Variants in SGCZ observed in about 807,000 individuals in gnomAD.
The protein encoded by SGCZ is sarcoglycan zeta.
SGCZ carries 40 observed loss-of-function variants against 41.3 expected under a neutral mutation model. The ratio of observed to expected loss-of-function variants is 0.97; its 90% CI spans 0.75 to 1.26. The LOEUF (loss-of-function observed/expected upper bound fraction) is 1.26, where lower values mean the gene tolerates loss of function less well. Ranked by LOEUF, SGCZ falls within the 50% of genes most tolerant of loss-of-function variation. The pLI is 0.00. For synonymous variants in SGCZ, 206 were observed against 137.5 expected, an observed-to-expected ratio of 1.50 and a Z score of -3.49; for missense variants, 552 against 369.8, an observed-to-expected ratio of 1.49 and a Z score of -4.04.
chr8:14,676,631 A>T (rs372256308), intron 1 of SGCZ, among the ~76,000 whole-genome samples: 44 of 152,272 alleles, frequency 2.9e-4, no homozygotes, highest in African/African-American at 1.0e-3. Flanking sequence ...ATAAACCACG[A>T]TGTGTGGCAT....
intron 2 of SGCZ, among the ~76,000 whole-genome samples, chr8:14,401,706 G>T (rs1255387498): frequency 1.3e-5 from 2 of 151,630 alleles, no homozygotes; most frequent in Non-Finnish European, 2.9e-5. Flanking sequence ...ATTTGGGTTG[G>T]TTCCAAGTCT....
chr8:15,016,368 C>T (rs1239346138), intron 1 of SGCZ, among the ~76,000 whole-genome samples: 3 of 152,180 alleles, frequency 2.0e-5, no homozygotes, highest in Non-Finnish European at 4.4e-5. Context: ...GCCATCTGAT[C>T]CACCAGGGGA....
chr8:14,468,189 T>G (rs1002428491), intron 2 of SGCZ, among the ~76,000 whole-genome samples: 2 of 152,050 alleles, frequency 1.3e-5, no homozygotes, highest in Admixed American at 6.6e-5. Context: ...TGTAATGTGA[T>G]TTTGATTGAG....
chr8:14,338,187 G>A (rs1802566068), intron 2 of SGCZ, among the ~76,000 whole-genome samples: 1 of 152,146 alleles, frequency 6.6e-6, no homozygotes, highest in Admixed American at 6.6e-5. Flanking sequence ...AAATGGAAAA[G>A]TGCAGTCGTC....
chr8:14,645,089 C>T (rs1329783421), intron 1 of SGCZ, among the ~76,000 whole-genome samples: 6 of 151,398 alleles, frequency 4.0e-5, no homozygotes, highest in African/African-American at 1.2e-4. Flanking sequence ...GGCAAGCATC[C>T]CAGGGCATAA....
In SGCZ at chr8:14,439,238, T is replaced by C. The variant is rs551518678; in HGVS notation, c.235-115034A>G. ...GTAAGATCATTAGGACTTTTTATTA[T>C]ATTTTTAGGAGTTTTTGGCTTGGTA... On this transcript the variant is annotated intron_variant, in intron 2 of 7. Coordinates refer to ENST00000382080, the MANE Select transcript of SGCZ (RefSeq NM_139167.4). Among the ~76,000 whole-genome samples, 9 of 151,490 alleles carry C rather than the reference T, an allele frequency of 5.9e-5. No homozygotes were observed. The South Asian group carries it at 1.9e-3, about 31-fold the overall frequency.
intron 1 of SGCZ, among the ~76,000 whole-genome samples, chr8:14,696,278 C>T (rs1808959493): frequency 6.6e-6 from 1 of 152,008 alleles, no homozygotes. Flanking sequence ...AATATGAGAA[C>T]TTTAGGGACT....
At position 14,461,103 on chromosome 8, in the gene SGCZ, G is replaced by A. The variant is rs549650189; in HGVS notation, c.234+93629C>T. 6.6e-5 allele frequency among the ~76,000 whole-genome samples: 10 copies of A among 152,206 alleles called. No homozygotes were observed. The South Asian group carries it at 1.9e-3, about 28-fold the overall frequency. ...TCAGGGTGCCTTGGTGATTCAGAAT[G>A]CTATCCTCATCCAATCAGGTTCCTT... On this transcript the variant is annotated intron_variant, in intron 2 of 7. Transcript: ENST00000382080.
At chr8:14,696,046 G>A (rs1007192245) in intron 1 of SGCZ, among the ~76,000 whole-genome samples, 6 of 151,970 alleles carry the variant, frequency 3.9e-5, no homozygotes, top group Non-Finnish European at 5.9e-5. Context: ...GAGAGCTCCC[G>A]GGACAAATAT....
intron 1 of SGCZ, among the ~76,000 whole-genome samples, chr8:14,665,297 A>G (rs6984678): frequency 0.049 from 7,412 of 152,196 alleles, 298 homozygotes; most frequent in African/African-American, 0.11. Context: ...TTTGCTGAGA[A>G]TGATGGTTTC....
At chr8:14,742,023 T>C (rs1300507353) in intron 1 of SGCZ, among the ~76,000 whole-genome samples, 1 of 152,120 alleles carries the variant, frequency 6.6e-6, no homozygotes, top group Non-Finnish European at 1.5e-5. Flanking sequence ...TAATTATTTA[T>C]TGATTTGTAA....
intron 4 of SGCZ, among the ~76,000 whole-genome samples, chr8:14,172,905 T>C (rs950562586): frequency 6.6e-6 from 1 of 152,084 alleles, no homozygotes; most frequent in African/African-American, 2.4e-5. Flanking sequence ...CATATGATAA[T>C]TATTAGATAA....
chr8:14,864,446 T>C (rs530054808), intron 1 of SGCZ, among the ~76,000 whole-genome samples: 7 of 152,284 alleles, frequency 4.6e-5, no homozygotes, highest in Admixed American at 2.0e-4. Flanking sequence ...AAAGGCTTAC[T>C]CAAATATCTA....
rs574902833 is a variant in SGCZ at position 14,359,439 on chromosome 8, G to A, written c.235-35235C>T. Among the ~76,000 whole-genome samples, 61 of 151,320 alleles carry A rather than the reference G, an allele frequency of 4.0e-4. 1 individual carries two copies. The South Asian group carries it at 0.01, about 26-fold the overall frequency. Reference sequence around the variant, plus strand: ...CTGCAGAATATACATTCTTCTTCTCGGTGCACACATTATTCTCAAGGACAA... The same window carrying A: ...CTGCAGAATATACATTCTTCTTCTCAGTGCACACATTATTCTCAAGGACAA... On this transcript the variant is annotated intron_variant, in intron 2 of 7. Coordinates refer to ENST00000382080, the MANE Select transcript of SGCZ (RefSeq NM_139167.4).
chr8:15,004,960 T>G (rs1176096207), intron 1 of SGCZ, among the ~76,000 whole-genome samples: 3 of 152,192 alleles, frequency 2.0e-5, no homozygotes, highest in Admixed American at 2.0e-4. Context: ...GTGGTATCTA[T>G]GCATGTATTT....
intron 1 of SGCZ, among the ~76,000 whole-genome samples, chr8:14,567,441 G>C (rs1404596393): frequency 1.3e-5 from 2 of 152,164 alleles, no homozygotes; most frequent in Admixed American, 6.5e-5. Flanking sequence ...GGGACATGGA[G>C]AACTTTTGTG....
At chr8:14,609,386 G>C (rs1294469906) in intron 1 of SGCZ, among the ~76,000 whole-genome samples, 1 of 152,024 alleles carries the variant, frequency 6.6e-6, no homozygotes, top group East Asian at 1.9e-4. Flanking sequence ...TAATCTATCT[G>C]TCACCAGATG....
chr8:14,935,997 G>T lies in SGCZ; in HGVS notation c.39+301588C>A, dbSNP rs181902835. On this transcript the variant is annotated intron_variant, in intron 1 of 7. Coordinates refer to ENST00000382080, the MANE Select transcript of SGCZ (RefSeq NM_139167.4). ...ATGGAATAAGGAAGACAATTTCCAT[G>T]CGATTAAATGATCGATTCACTAAGA... 2.0e-5 allele frequency among the ~76,000 whole-genome samples: 3 copies of T among 151,934 alleles called. No individual in the cohort carries two copies. The East Asian group carries it at 5.8e-4, about 29-fold the overall frequency.
At chr8:14,194,413 C>T (rs1473798066) in intron 4 of SGCZ, among the ~76,000 whole-genome samples, 3 of 151,720 alleles carry the variant, frequency 2.0e-5, no homozygotes, top group African/African-American at 7.3e-5. Context: ...CTAATGTAAT[C>T]TTAGTTTAAT....
Sources: allele counts gnomAD v4.1 joint callset (sites outside exome capture counted in the v4.1 genomes callset), GRCh38; gene constraint gnomAD v4.1.1; transcripts MANE v1.5; gene names NCBI Gene and HGNC (gene_info 2026-07-23, HGNC 2026-07-21).